The following NTN1 variants were observed in gnomAD, a reference collection of about 807,000 sequenced individuals.
NTN1 encodes netrin-1.
Under a neutral mutation model 54.2 loss-of-function variants are expected in NTN1, and 11 were observed. That is an observed-to-expected ratio of 0.20 (90% confidence interval 0.13 to 0.34). The LOEUF (loss-of-function observed/expected upper bound fraction) is 0.34. Ranked by LOEUF, NTN1 falls within the 10% of genes least tolerant of loss-of-function variation. NTN1 has a pLI of 1.00. For missense variants in NTN1, 740 were observed against 893.1 expected, an observed-to-expected ratio of 0.83 and a Z score of 2.18; for synonymous variants, 371 against 382.0, an observed-to-expected ratio of 0.97 and a Z score of 0.33.
At chr17:9,021,108 G>A (rs915447507), upstream of NTN1, among the ~76,000 whole-genome samples, 3 of 152,176 alleles carry the variant, frequency 2.0e-5, no homozygotes, top group Non-Finnish European at 4.4e-5. Context: ...AAACACAGAT[G>A]TGTTTGGCTG....
intron 6 of NTN1, among the ~76,000 whole-genome samples, chr17:9,235,310 G>A (rs1015439139): frequency 2.0e-5 from 3 of 152,126 alleles, no homozygotes; most frequent in Admixed American, 1.3e-4. Flanking sequence ...TCATCTCCCT[G>A]GTCTGACCTC....
At chr17:9,117,998 G>GCGTA (rs1003667325) in intron 2 of NTN1, among the ~76,000 whole-genome samples, 22 of 152,196 alleles carry the variant, frequency 1.4e-4, no homozygotes, top group Non-Finnish European at 3.1e-4. Context: ...ACGCTCAAGA[G>GCGTA]CGTAGCTCAT....
chr17:9,115,931 TA>T (rs953456094), intron 2 of NTN1, among the ~76,000 whole-genome samples: 37 of 152,342 alleles, frequency 2.4e-4, no homozygotes, highest in Admixed American at 9.8e-4. Context: ...TTTCCTCCCA[TA>T]AACAAAACAA....
At chr17:9,004,553 C>A in the NTN1 span, among the ~76,000 whole-genome samples, 4 of 152,204 alleles carry the variant, frequency 2.6e-5, no homozygotes, top group African/African-American at 9.6e-5. Flanking sequence ...AATGCTGGGG[C>A]CTTCCTGTTG....
In NTN1 at chr17:9,022,340, C is replaced by G; in HGVS notation, c.-34C>G. On this transcript the variant is annotated 5_prime_UTR_variant, in exon 2 of 7. Coordinates refer to ENST00000173229, the MANE Select transcript of NTN1 (RefSeq NM_004822.3). ...CTTCTGCGGCAGGCGGACAGATCCTCGGCGCGGCAGGGCCGGGGCAAGCTG... is the reference window on the plus strand; with the variant it reads ...CTTCTGCGGCAGGCGGACAGATCCTGGGCGCGGCAGGGCCGGGGCAAGCTG... 7.9e-6 allele frequency: 10 copies of G among 1,271,180 alleles called. No homozygotes were observed. The highest frequency in any genetic ancestry group is 8.9e-6 in the Non-Finnish European group (9 of 1,014,234). 78.7% of individuals were successfully genotyped at this position (1,271,180 alleles called of 1,614,324 possible).
intron 2 of NTN1, among the ~76,000 whole-genome samples, chr17:9,085,962 G>C (rs535884105): frequency 6.6e-6 from 1 of 152,290 alleles, no homozygotes; most frequent in South Asian, 2.1e-4. Flanking sequence ...GGATTTCCAA[G>C]TCAGGGCTCT....
chr17:9,132,247 T>C (rs1368712414), intron 2 of NTN1, among the ~76,000 whole-genome samples: 2 of 152,120 alleles, frequency 1.3e-5, no homozygotes, highest in Non-Finnish European at 2.9e-5. Flanking sequence ...TGTCACTCTG[T>C]CCACTAACAA....
intron 2 of NTN1, among the ~76,000 whole-genome samples, chr17:9,160,690 CGCCTGTAATCCCAGCACTTT>C (rs2092354808): frequency 1.3e-5 from 2 of 152,148 alleles, no homozygotes; most frequent in South Asian, 4.1e-4. Context: ...TGGTGGCTCA[CGCCTGTAATCCCAGCACTTT>C]GGGAGACCAA....
chr17:9,094,858 G>A (rs141061848), intron 2 of NTN1, among the ~76,000 whole-genome samples: 2 of 151,830 alleles, frequency 1.3e-5, no homozygotes, highest in East Asian at 1.9e-4. Context: ...GCATGGTGGC[G>A]CATGCCTGTA....
At chr17:9,236,124 TG>T (rs61364982) in intron 6 of NTN1, among the ~76,000 whole-genome samples, 4,548 of 90,704 alleles carry the variant, frequency 0.05, 141 homozygotes, top group East Asian at 0.07. Context: ...CATAAGAATT[TG>T]GGGGGGGGGG....
intron 2 of NTN1, among the ~76,000 whole-genome samples, chr17:9,105,678 C>G (rs1265185920): frequency 6.6e-6 from 1 of 151,404 alleles, no homozygotes; most frequent in Non-Finnish European, 1.5e-5. Context: ...CTCTCTCTCT[C>G]TCTGTCTCTG....
chr17:9,047,655 T>C (rs919790629), intron 2 of NTN1, among the ~76,000 whole-genome samples: 1 of 152,156 alleles, frequency 6.6e-6, no homozygotes, highest in Non-Finnish European at 1.5e-5. Flanking sequence ...AAACTCCTGT[T>C]AATGTTGATA....
Position 9,120,633 on chromosome 17 carries a change from GC to G in NTN1, c.1019-42179del, listed in dbSNP as rs2092229153. On this transcript the variant is annotated intron_variant, in intron 2 of 6. Transcript: ENST00000173229. ...TGCCTTTGGTGATGACTTCAGTGCT[GC>G]TTAGTATCTGGATTCTGTTCATCTG... Among the ~76,000 whole-genome samples, 3 of 152,198 alleles carry G rather than the reference GC, an allele frequency of 2.0e-5. No homozygotes were observed. The South Asian group carries it at 6.2e-4, about 32-fold the overall frequency.
In NTN1 at chr17:9,144,847, GC is replaced by G. The variant is rs147879271; in HGVS notation, c.1019-17964del. ...CTGTTTGCATTTGTCAAGTTAATTT[GC>G]CTTCCAGACAGAACCACAGACCAGT... On this transcript the variant is annotated intron_variant, in intron 2 of 6. Coordinates refer to ENST00000173229, the MANE Select transcript of NTN1 (RefSeq NM_004822.3). 5.9e-3 allele frequency among the ~76,000 whole-genome samples: 898 copies of G among 152,332 alleles called. 13 individuals carry two copies. Among genetic ancestry groups the G allele is most frequent in the African/African-American group, 0.021 (857 of 41,584 alleles).
chr17:9,103,017 G>A (rs1009708767), intron 2 of NTN1, among the ~76,000 whole-genome samples: 1 of 152,280 alleles, frequency 6.6e-6, no homozygotes, highest in African/African-American at 2.4e-5. Flanking sequence ...TGGTGAGTGT[G>A]GGGGGATAGT....
chr17:9,128,309 C>CAA (rs11356490), intron 2 of NTN1, among the ~76,000 whole-genome samples: 51 of 124,082 alleles, frequency 4.1e-4, no homozygotes, highest in Non-Finnish European at 6.2e-4. Context: ...GACTCTGTCT[C>CAA]AAAAAAAAAA....
chr17:9,139,742 G>A (rs574205746), intron 2 of NTN1, among the ~76,000 whole-genome samples: 5 of 152,276 alleles, frequency 3.3e-5, no homozygotes, highest in South Asian at 4.1e-4. Context: ...CAGTAAAAAT[G>A]TATTTACCAT....
chr17:9,091,294 C>T (rs1455658148), intron 2 of NTN1, among the ~76,000 whole-genome samples: 2 of 152,142 alleles, frequency 1.3e-5, no homozygotes, highest in African/African-American at 4.8e-5. Context: ...CGCCCTCTCC[C>T]CCAGACTGGA....
rs139555540 is a variant in NTN1 at position 9,113,329 on chromosome 17, G to A, written c.1019-49484G>A. On this transcript the variant is annotated intron_variant, in intron 2 of 6. Coordinates refer to ENST00000173229, the MANE Select transcript of NTN1 (RefSeq NM_004822.3). The stretch of plus-strand genomic sequence containing the variant: ...GAGCCACCGCACTGGGCCTGTATAC[G>A]GTATTTTTAAAGCAGAAATACATAT... Among the ~76,000 whole-genome samples the A allele has an allele frequency of 1.1e-4, 17 of 152,018 alleles. 1 individual carries two copies. In the East Asian group the frequency reaches 2.9e-3, roughly 26 times the overall value.
Sources: gnomAD v4.1 joint callset for allele counts (sites outside exome capture counted in the v4.1 genomes callset) on GRCh38, gnomAD v4.1.1 for gene constraint, MANE v1.5 for transcripts, NCBI Gene and HGNC (gene_info 2026-07-23, HGNC 2026-07-21) for gene names.